NTN4: variants seen among roughly 807,000 people sequenced by gnomAD.
The protein encoded by NTN4 is netrin-4.
A neutral mutation model predicts 73.6 loss-of-function variants in NTN4; 32 were observed. The observed-to-expected ratio is 0.44, with a 90% CI of 0.33 to 0.58. The LOEUF is 0.58. NTN4 is among the 20% of genes least tolerant of loss of function. NTN4 has a pLI of 0.04. For missense variants in NTN4, 654 were observed against 798.3 expected (o/e 0.82, Z 2.18); for synonymous variants, 258 against 287.5 (o/e 0.90, Z 1.04).
chr12:95,668,005 C>T (rs988385508), intron 8 of NTN4, among the ~76,000 whole-genome samples: 11 of 152,152 alleles, frequency 7.2e-5, no homozygotes, highest in African/African-American at 1.7e-4. Flanking sequence ...GCATAGTGCC[C>T]GGCGTGTGGC....
chr12:95,659,078 T>C lies in NTN4; in HGVS notation c.*8A>G, dbSNP rs773536412. ...GACAAGTGCCATTATGTGCTATCCATCTTAATGCTACTTGCACTCTCTTTT... is the reference window on the plus strand; with the variant it reads ...GACAAGTGCCATTATGTGCTATCCACCTTAATGCTACTTGCACTCTCTTTT... On this transcript the variant is annotated 3_prime_UTR_variant, in exon 10 of 10. Coordinates refer to ENST00000343702, the MANE Select transcript of NTN4 (RefSeq NM_021229.4). 8.7e-6 allele frequency: 14 copies of C among 1,608,788 alleles called. No homozygotes were observed. In the South Asian group the frequency reaches 1.2e-4, roughly 14 times the overall value.
At chr12:95,718,891 T>C (rs2078626786) in intron 3 of NTN4, among the ~76,000 whole-genome samples, 1 of 152,178 alleles carries the variant, frequency 6.6e-6, no homozygotes. Flanking sequence ...TAAATGTTAT[T>C]CTAGTTCCTC....
intron 5 of NTN4, among the ~76,000 whole-genome samples, chr12:95,703,953 G>A (rs1374539681): frequency 6.6e-6 from 1 of 152,092 alleles, no homozygotes; most frequent in African/African-American, 2.4e-5. Flanking sequence ...TAAGAGATGG[G>A]AAATTTCTCT....
intron 5 of NTN4, among the ~76,000 whole-genome samples, chr12:95,707,073 G>C (rs1374118787): frequency 6.6e-6 from 1 of 152,212 alleles, no homozygotes; most frequent in Non-Finnish European, 1.5e-5. Context: ...GAAAGTGCAA[G>C]TTCAATATGA....
intron 4 of NTN4, among the ~76,000 whole-genome samples, chr12:95,712,124 T>A (rs2078568861): frequency 1.3e-5 from 2 of 152,222 alleles, no homozygotes; most frequent in South Asian, 4.1e-4. Flanking sequence ...AAAGAGAGGT[T>A]CGTGAGCGTT....
chr12:95,692,863 T>A (rs766872035), intron 5 of NTN4, among the ~76,000 whole-genome samples: 8 of 152,196 alleles, frequency 5.3e-5, no homozygotes, highest in Non-Finnish European at 1.2e-4. Flanking sequence ...GGCTTATTAT[T>A]TACAAGACTT....
At chr12:95,770,999 T>TTTC (rs1385142894) in intron 2 of NTN4, among the ~76,000 whole-genome samples, 3 of 144,422 alleles carry the variant, frequency 2.1e-5, no homozygotes, top group Admixed American at 6.7e-5. Flanking sequence ...TTTGTTTTTT[T>TTTC]TTTTTTTTGA....
At chr12:95,702,508 T>C (rs927900799) in intron 5 of NTN4, among the ~76,000 whole-genome samples, 1 of 152,194 alleles carries the variant, frequency 6.6e-6, no homozygotes, top group African/African-American at 2.4e-5. Flanking sequence ...GTGGTAATAA[T>C]GTTACCTACA....
In NTN4 at chr12:95,683,632, G is replaced by A; in HGVS notation, c.1260C>T (p.Cys420=). 6.2e-7 allele frequency: 1 copy of A among 1,614,100 alleles called. No individual in the cohort carries two copies. The highest frequency in any genetic ancestry group is 8.5e-7 in the Non-Finnish European group (1 of 1,179,992). ...VTFCDPSNGD[C]PCKPGVAGRR... ...GCCCTGCCACCCCAGGCTTGCAAGG[G>A]CAGTCACCATTGCTGGGGTCGCAGA... The change falls in exon 6 of 10, where the codon TGC becomes TGT. Residue 420 remains cysteine, a synonymous_variant. Transcript: ENST00000343702.
intron 2 of NTN4, among the ~76,000 whole-genome samples, chr12:95,785,842 T>C (rs2079163442): frequency 1.3e-5 from 2 of 152,222 alleles, no homozygotes; most frequent in Non-Finnish European, 2.9e-5. Context: ...ATTGGATATA[T>C]GCCTAATCGT....
intron 5 of NTN4, among the ~76,000 whole-genome samples, chr12:95,706,349 A>C (rs2078522024): frequency 6.6e-6 from 1 of 152,236 alleles, no homozygotes; most frequent in Admixed American, 6.5e-5. Flanking sequence ...CTTTGCCAGT[A>C]AGTGTTTTCT....
intron 2 of NTN4, among the ~76,000 whole-genome samples, chr12:95,768,721 G>C (rs2079036431): frequency 1.3e-5 from 2 of 152,176 alleles, no homozygotes; most frequent in South Asian, 4.1e-4. Flanking sequence ...AAATTGGGGA[G>C]CAAGCGAGAC....
rs190245198 is a variant in NTN4 at position 95,672,895 on chromosome 12, G to A, written c.1511-2749C>T. On this transcript the variant is annotated intron_variant, in intron 7 of 9. Coordinates refer to ENST00000343702, the MANE Select transcript of NTN4 (RefSeq NM_021229.4). ...CCTCCGGGGCATTGTCAAGCATCTG[G>A]AAGGTCTCTCTGAAGAGGCTATCAT... The A allele has an allele frequency of 1.2e-3, 1,549 of 1,305,004 alleles. 4 individuals are homozygous for A. Among genetic ancestry groups the A allele is most frequent in the Middle Eastern group, 8.8e-3 (47 of 5,360 alleles). 80.8% of individuals were successfully genotyped at this position (1,305,004 alleles called of 1,614,324 possible).
chr12:95,671,719 AT>A (rs1362820888), intron 7 of NTN4, among the ~76,000 whole-genome samples: 1 of 152,136 alleles, frequency 6.6e-6, no homozygotes, highest in Admixed American at 6.5e-5. Flanking sequence ...TCTCATACTC[AT>A]TTATATATTC....
intron 2 of NTN4, among the ~76,000 whole-genome samples, chr12:95,744,935 T>C (rs892819813): frequency 6.6e-6 from 1 of 151,902 alleles, no homozygotes; most frequent in African/African-American, 2.4e-5. Context: ...CTAAGTTGAC[T>C]TCTTTTTTTC....
intron 6 of NTN4, 97 bp from the exon 7 acceptor site, chr12:95,682,919 C>T: frequency 1.6e-6 from 1 of 636,636 alleles, no homozygotes; most frequent in South Asian, 2.2e-5. Context: ...CTTCTGCCTT[C>T]CCATTCTTCC....
Position 95,665,798 on chromosome 12 carries a change from T to G in NTN4, c.1750+12A>C. 6.2e-7 allele frequency: 1 copy of G among 1,608,938 alleles called. No homozygotes were observed. The highest frequency in any genetic ancestry group is 8.5e-7 in the Non-Finnish European group (1 of 1,176,960). ...CAAGGTAGGTACTAAGATAGGAAAG[T>G]CTAATACTCACCAGGATTGAGGATT... On this transcript the variant is annotated intron_variant, in intron 9 of 9. Transcript: ENST00000343702.
chr12:95,737,239 A>C (rs2078784868), intron 3 of NTN4, among the ~76,000 whole-genome samples: 1 of 152,172 alleles, frequency 6.6e-6, no homozygotes. Flanking sequence ...CTGAGCACCT[A>C]CTTCTGGCCC....
At chr12:95,706,378 G>A (rs1443387101) in intron 5 of NTN4, among the ~76,000 whole-genome samples, 1 of 152,028 alleles carries the variant, frequency 6.6e-6, no homozygotes, top group Non-Finnish European at 1.5e-5. Flanking sequence ...TTTTTAATTG[G>A]TCAGACTTAG....
Sources: allele counts gnomAD v4.1 joint callset (sites outside exome capture counted in the v4.1 genomes callset), GRCh38; gene constraint gnomAD v4.1.1; transcripts MANE v1.5; gene names NCBI Gene and HGNC (gene_info 2026-07-23, HGNC 2026-07-21).